The following GABRG3 variants were observed in gnomAD, a reference collection of about 807,000 sequenced individuals.
GABRG3 encodes gamma-aminobutyric acid type A receptor subunit gamma3.
A neutral mutation model predicts 48.8 loss-of-function variants in GABRG3; 25 were observed. That is an observed-to-expected ratio of 0.51 (90% confidence interval 0.37 to 0.72). GABRG3 has a LOEUF of 0.72. Among genes scored for constraint, GABRG3 ranks in the 30% least tolerant of loss-of-function variants. The probability of loss-of-function intolerance (pLI) is 0.00; values close to 1 mark genes in which losing one functional copy is unlikely to be tolerated. For missense variants in GABRG3, 394 were observed against 577.9 expected, an observed-to-expected ratio of 0.68 and a Z score of 3.26; for synonymous variants, 227 against 217.6, an observed-to-expected ratio of 1.04 and a Z score of -0.38.
chr15:27,298,300 G>T (rs149902768), intron 3 of GABRG3, among the ~76,000 whole-genome samples: 2 of 152,284 alleles, frequency 1.3e-5, no homozygotes, highest in East Asian at 3.9e-4. Flanking sequence ...AGTATCTGAA[G>T]CAGGTCTCAA....
At chr15:27,426,157 A>C (rs977751046) in intron 5 of GABRG3, among the ~76,000 whole-genome samples, 1 of 152,202 alleles carries the variant, frequency 6.6e-6, no homozygotes, top group Non-Finnish European at 1.5e-5. Flanking sequence ...CAAGATGAAG[A>C]GTCTATCACC....
chr15:27,194,033 T>C (rs184808587), intron 3 of GABRG3, among the ~76,000 whole-genome samples: 1 of 152,368 alleles, frequency 6.6e-6, no homozygotes, highest in Non-Finnish European at 1.5e-5. Context: ...TTTTAGAATT[T>C]AATCTTAACT....
At chr15:27,451,404 T>A (rs1889106987) in intron 5 of GABRG3, among the ~76,000 whole-genome samples, 1 of 152,078 alleles carries the variant, frequency 6.6e-6, no homozygotes, top group Non-Finnish European at 1.5e-5. Context: ...GTCAATTAAT[T>A]TTTAAAAAAA....
Position 27,538,381 on chromosome 15 carries a change from A to G in GABRG3, c.*5500A>G, listed in dbSNP as rs184655213. 2 of 152,370 alleles carry G rather than the reference A, an allele frequency of 1.3e-5. No individual in the cohort carries two copies. The highest frequency in any genetic ancestry group is 1.3e-4 in the Admixed American group (2 of 15,302). 9.4% of individuals were successfully genotyped at this position (152,370 alleles called of 1,614,324 possible). ...ATTCAAGAGCATGAGCTAGAAAATA[A>G]TTAGGCAGACAAAACATATGTTCTC... is the stretch of plus-strand genomic sequence containing the variant. On this transcript the variant is annotated 3_prime_UTR_variant, in exon 10 of 10. Coordinates refer to ENST00000615808, the MANE Select transcript of GABRG3 (RefSeq NM_033223.5).
intron 3 of GABRG3, among the ~76,000 whole-genome samples, chr15:27,267,583 A>C (rs940103824): frequency 2.0e-5 from 3 of 152,114 alleles, no homozygotes; most frequent in African/African-American, 7.2e-5. Context: ...GAGACTACAG[A>C]GGCCACCAAG....
intron 3 of GABRG3, among the ~76,000 whole-genome samples, chr15:27,163,724 A>G (rs971487591): frequency 4.6e-5 from 7 of 152,144 alleles, no homozygotes; most frequent in African/African-American, 1.7e-4. Flanking sequence ...CTCCAGCCTG[A>G]GTGATTTCAA....
At chr15:27,460,395 A>C (rs1165440454) in intron 5 of GABRG3, among the ~76,000 whole-genome samples, 5 of 152,072 alleles carry the variant, frequency 3.3e-5, no homozygotes, top group Admixed American at 2.0e-4. Context: ...ACAAACATCA[A>C]AGTTTTGCTG....
rs114398961 is a variant in GABRG3, at chr15:26,974,421, C to T, written c.54-2581C>T. ...ATGATGAAAAGCTGGTTACTGTGCT[C>T]GGTTTGTGTGTATGTGATTATCAGG... On this transcript the variant is annotated intron_variant, in intron 1 of 9. Transcript: ENST00000615808. The surrounding 1 kb of genome is among the most constrained non-coding windows in gnomAD (Gnocchi z 4.3). 6.6e-6 allele frequency among the ~76,000 whole-genome samples: 1 copy of T among 151,544 alleles called. No homozygotes were observed. The highest frequency in any genetic ancestry group is 1.5e-5 in the Non-Finnish European group (1 of 67,960).
intron 5 of GABRG3, among the ~76,000 whole-genome samples, chr15:27,336,112 C>G (rs1192666047): frequency 2.0e-5 from 3 of 151,722 alleles, no homozygotes; most frequent in Admixed American, 2.0e-4. Context: ...TCACTTGAAC[C>G]CTGGAGGCAG....
At chr15:26,987,023 C>T (rs561364784) in intron 2 of GABRG3, among the ~76,000 whole-genome samples, 37 of 152,260 alleles carry the variant, frequency 2.4e-4, no homozygotes, top group African/African-American at 8.7e-4. Flanking sequence ...TTTGGAAGGC[C>T]AAGGTGGGCG....
chr15:27,300,204 G>A (rs1892148775), intron 3 of GABRG3, among the ~76,000 whole-genome samples: 1 of 152,110 alleles, frequency 6.6e-6, no homozygotes, highest in Non-Finnish European at 1.5e-5. Context: ...AAGAAAAACA[G>A]TCTTATGATG....
chr15:27,332,106 G>GGTAA, intron 5 of GABRG3, among the ~76,000 whole-genome samples: 1 of 152,304 alleles, frequency 6.6e-6, no homozygotes, highest in South Asian at 2.1e-4. Flanking sequence ...AACACTCATT[G>GGTAA]GTAATTTGGA....
intron 3 of GABRG3, among the ~76,000 whole-genome samples, chr15:27,075,816 C>T (rs67723001): frequency 6.6e-6 from 1 of 152,050 alleles, no homozygotes; most frequent in Admixed American, 6.6e-5. Flanking sequence ...AGGACAAGTC[C>T]TCTGTCAGAT....
chr15:27,138,144 T>A (rs1898041805), intron 3 of GABRG3, among the ~76,000 whole-genome samples: 1 of 152,230 alleles, frequency 6.6e-6, no homozygotes. Flanking sequence ...CCTTTTCAGC[T>A]ATTTATTCTG....
intron 6 of GABRG3, among the ~76,000 whole-genome samples, chr15:27,515,522 A>G (rs780529276): frequency 6.6e-6 from 1 of 152,208 alleles, no homozygotes; most frequent in Non-Finnish European, 1.5e-5. Context: ...TCCAGGCCTC[A>G]GGTGGCTTTT....
intron 3 of GABRG3, among the ~76,000 whole-genome samples, chr15:27,055,206 A>G (rs1345177850): frequency 6.6e-6 from 1 of 152,058 alleles, no homozygotes; most frequent in Non-Finnish European, 1.5e-5. Flanking sequence ...AGCCTGTGAT[A>G]GAGACTCTGT....
At chr15:27,163,459 C>T (rs756638540) in intron 3 of GABRG3, among the ~76,000 whole-genome samples, 17 of 152,052 alleles carry the variant, frequency 1.1e-4, no homozygotes, top group Middle Eastern at 3.2e-3. Context: ...AGGCAAATCT[C>T]ATAACCTCCA....
chr15:27,266,492 T>C (rs1361332132), intron 3 of GABRG3, among the ~76,000 whole-genome samples: 1 of 152,216 alleles, frequency 6.6e-6, no homozygotes, highest in East Asian at 1.9e-4. Context: ...CATTTGTTCT[T>C]CTCTTTCAAA....
chr15:27,525,772 A>G (rs1344672908), intron 7 of GABRG3, among the ~76,000 whole-genome samples: 1 of 133,444 alleles, frequency 7.5e-6, no homozygotes, highest in Non-Finnish European at 1.6e-5. Flanking sequence ...GTCCCTGCAA[A>G]GGACATGATC....
Sources: allele counts gnomAD v4.1 joint callset (sites outside exome capture counted in the v4.1 genomes callset), GRCh38; gene constraint gnomAD v4.1.1; non-coding constraint Gnocchi (gnomAD v3.1); transcripts MANE v1.5; gene names NCBI Gene and HGNC (gene_info 2026-07-23, HGNC 2026-07-21).